HACL1: variants seen among roughly 807,000 people sequenced by gnomAD.
HACL1 encodes 2-hydroxyacyl-CoA lyase 1.
A neutral mutation model predicts 74.2 loss-of-function variants in HACL1; 64 were observed. That is an observed-to-expected ratio of 0.86 (90% confidence interval 0.70 to 1.06). HACL1 has a LOEUF of 1.06. Among genes scored for constraint, HACL1 ranks in the 50% least tolerant of loss-of-function variants. The probability of loss-of-function intolerance (pLI) is 0.00; values close to 1 mark genes in which losing one functional copy is unlikely to be tolerated. For synonymous variants in HACL1, 230 were observed against 238.8 expected (o/e 0.96, Z 0.34); for missense variants, 728 against 719.7 (o/e 1.01, Z -0.13).
At position 15,592,074 on chromosome 3, in the gene HACL1, G is replaced by GTATATATACGTATATACGTATA. The variant is rs71045168; in HGVS notation, c.228-395_228-394insTATACGTATATACGTATATATA. The stretch of plus-strand genomic sequence containing the variant: ...TATATACGTATATATACGTATATAC[G>GTATATATACGTATATACGTATA]TATACGTATATATACACACACTATA... On this transcript the variant is annotated intron_variant, in intron 3 of 16. Coordinates refer to ENST00000321169, the MANE Select transcript of HACL1 (RefSeq NM_012260.4). Among the ~76,000 whole-genome samples the GTATATATACGTATATACGTATA allele has an allele frequency of 2.0e-3, 269 of 131,546 alleles. 10 individuals are homozygous for GTATATATACGTATATACGTATA. The highest frequency in any genetic ancestry group is 5.7e-3 in the African/African-American group (194 of 34,276). 86.3% of individuals were successfully genotyped at this position (131,546 alleles called of 152,430 possible). A position where few individuals can be genotyped will look rare whatever the true frequency, so the allele number is the denominator to read the frequency against.
At chr3:15,598,376 A>C (rs1419931503) in intron 2 of HACL1, among the ~76,000 whole-genome samples, 1 of 152,078 alleles carries the variant, frequency 6.6e-6, no homozygotes, top group Non-Finnish European at 1.5e-5. Flanking sequence ...ACCTCCATTC[A>C]CAGGCAGAAC....
At position 15,579,947 on chromosome 3, in the gene HACL1, C is replaced by T. The variant is rs2063692720; in HGVS notation, c.766G>A (p.Asp256Asn). The T allele has an allele frequency of 6.2e-7, 1 of 1,611,962 alleles. No homozygotes were observed. Among genetic ancestry groups the T allele is most frequent in the Non-Finnish European group, 8.5e-7 (1 of 1,178,234 alleles). ...GCACCTACACAGTATGGATGGTTGT[C>T]AGGGACAACACCCTTCCCCATAGGG... ...PTPMGKGVVP[D>N]NHPYCVGAAR... The change falls in exon 9 of 17, where the codon GAC becomes AAC. Residue 256 changes from aspartate to asparagine, a missense_variant. Asp to Asn is a conservative substitution (Grantham distance 23). Coordinates refer to ENST00000321169, the MANE Select transcript of HACL1 (RefSeq NM_012260.4).
At chr3:15,563,817 A>G (rs2063387397) in intron 15 of HACL1, among the ~76,000 whole-genome samples, 1 of 152,224 alleles carries the variant, frequency 6.6e-6, no homozygotes, top group South Asian at 2.1e-4. Context: ...TGCTGTGAGC[A>G]CTTGAAATGT....
At position 15,585,437 on chromosome 3, in the gene HACL1, T is replaced by C. The variant is rs553881487; in HGVS notation, c.460-95A>G. 1.2e-3 allele frequency: 904 copies of C among 742,458 alleles called. 7 individuals carry two copies. Among genetic ancestry groups the C allele is most frequent in the South Asian group, 0.011 (653 of 60,036 alleles). 46.0% of individuals were successfully genotyped at this position (742,458 alleles called of 1,614,324 possible). A position where few individuals can be genotyped will look rare whatever the true frequency, so the allele number is the denominator to read the frequency against. Reference sequence around the variant, plus strand: ...TTTAAAACTGGAAAATGAACACTTTTCATTTTTCTGGACATCCTTGTGGAG... The same window carrying C: ...TTTAAAACTGGAAAATGAACACTTTCCATTTTTCTGGACATCCTTGTGGAG... On this transcript the variant is annotated intron_variant, in intron 6 of 16. Coordinates refer to ENST00000321169, the MANE Select transcript of HACL1 (RefSeq NM_012260.4).
chr3:15,601,288 G>A, intron 1 of HACL1, 94 bp from the exon 2 acceptor site: 1 of 1,573,416 alleles, frequency 6.4e-7, no homozygotes. Context: ...AAAACCCCCC[G>A]ACCCCCATCG....
At chr3:15,578,293 C>T (rs543448157) in intron 9 of HACL1, among the ~76,000 whole-genome samples, 1 of 152,118 alleles carries the variant, frequency 6.6e-6, no homozygotes, top group African/African-American at 2.4e-5. Context: ...ATTATTCTCT[C>T]TTCCTGTGTG....
chr3:15,600,931 C>A, intron 2 of HACL1, 159 bp downstream of exon 2: 1 of 632,608 alleles, frequency 1.6e-6, no homozygotes, highest in Non-Finnish European at 2.9e-6. Flanking sequence ...TCTCATCTGT[C>A]AACTTGGTGT....
At chr3:15,561,899 C>CA (rs2063352347) in intron 16 of HACL1, among the ~76,000 whole-genome samples, 1 of 152,190 alleles carries the variant, frequency 6.6e-6, no homozygotes, top group South Asian at 2.1e-4. Context: ...AGGCAGGTCT[C>CA]AAACTCTCAG....
chr3:15,572,233 CT>C (rs1327459668), intron 11 of HACL1, among the ~76,000 whole-genome samples: 1 of 152,132 alleles, frequency 6.6e-6, no homozygotes, highest in Admixed American at 6.5e-5. Flanking sequence ...TACTCAGACT[CT>C]TTTTTTCTTC....
At chr3:15,583,465 C>T (rs796370727) in intron 7 of HACL1, among the ~76,000 whole-genome samples, 13 of 152,054 alleles carry the variant, frequency 8.5e-5, no homozygotes, top group African/African-American at 3.1e-4. Flanking sequence ...TCTCATTTAA[C>T]TGTCAAAACA....
chr3:15,575,487 C>T (rs1334349808), intron 9 of HACL1, among the ~76,000 whole-genome samples: 8 of 152,158 alleles, frequency 5.3e-5, no homozygotes, highest in Non-Finnish European at 8.8e-5. Flanking sequence ...TTGTTTTCTA[C>T]GCAAATACAT....
intron 5 of HACL1, among the ~76,000 whole-genome samples, chr3:15,588,549 C>T (rs924285073): frequency 2.0e-5 from 3 of 151,778 alleles, no homozygotes; most frequent in South Asian, 2.1e-4. Context: ...GCCAAGACTG[C>T]GCCACTGCAC....
intron 3 of HACL1, among the ~76,000 whole-genome samples, chr3:15,592,597 T>C (rs567529544): frequency 2.5e-5 from 3 of 120,828 alleles, no homozygotes; most frequent in Non-Finnish European, 5.2e-5. Context: ...TGTATACACA[T>C]GTACGCACAT....
intron 2 of HACL1, 44 bp downstream of exon 2, chr3:15,601,046 G>A (rs772812988): frequency 2.1e-5 from 25 of 1,178,680 alleles, no homozygotes; most frequent in Admixed American, 2.0e-4. Flanking sequence ...CGCTATTACT[G>A]ATCATTCCCA....
rs1402265444 is a variant in HACL1 at position 15,601,164 on chromosome 3, T to C, written c.112A>G (p.Ile38Val). ...DVEYIFGIVG[I>V]PVTEIAIAAQ... Reference sequence around the variant, plus strand: ...GCAATGGCGATTTCGGTCACTGGGATGCCTACGATGCCAAATATGTACTCC... The same window carrying C: ...GCAATGGCGATTTCGGTCACTGGGACGCCTACGATGCCAAATATGTACTCC... Residue 38 changes from isoleucine to valine, a missense_variant, in exon 2 of 17, where the codon ATC becomes GTC. Transcript: ENST00000321169. The C allele has an allele frequency of 1.9e-6, 3 of 1,613,530 alleles. 1 individual carries two copies. Among genetic ancestry groups the C allele is most frequent in the South Asian group, 2.2e-5 (2 of 91,082 alleles).
intron 9 of HACL1, among the ~76,000 whole-genome samples, chr3:15,576,399 T>C (rs1031036277): frequency 3.9e-5 from 6 of 152,082 alleles, no homozygotes; most frequent in African/African-American, 1.4e-4. Flanking sequence ...CCAGAATTGC[T>C]TTCTAAAATA....
At chr3:15,584,812 G>A (rs2063767044) in intron 7 of HACL1, among the ~76,000 whole-genome samples, 3 of 152,022 alleles carry the variant, frequency 2.0e-5, no homozygotes, top group African/African-American at 7.2e-5. Context: ...AGAAATATGA[G>A]AATATGAGAA....
At chr3:15,598,017 T>G (rs889641385) in intron 2 of HACL1, among the ~76,000 whole-genome samples, 3 of 151,060 alleles carry the variant, frequency 2.0e-5, no homozygotes, top group Non-Finnish European at 4.4e-5. Context: ...TTTTGTTTTG[T>G]TTTGTTTTTT....
chr3:15,600,635 C>T (rs2064194503), intron 2 of HACL1, among the ~76,000 whole-genome samples: 1 of 152,204 alleles, frequency 6.6e-6, no homozygotes, highest in Non-Finnish European at 1.5e-5. Flanking sequence ...AAGCCTTGGC[C>T]TTCACTCATT....
Sources: gnomAD v4.1 joint callset for allele counts (sites outside exome capture counted in the v4.1 genomes callset) on GRCh38, gnomAD v4.1.1 for gene constraint, MANE v1.5 for transcripts, NCBI Gene and HGNC (gene_info 2026-07-23, HGNC 2026-07-21) for gene names.